The following ARID1B variants were observed in gnomAD, a reference collection of about 807,000 sequenced individuals.
ARID1B encodes the protein AT-rich interaction domain 1B.
Under a neutral mutation model 212.3 loss-of-function variants are expected in ARID1B, and 30 were observed. The observed-to-expected ratio is 0.14, with a 90% CI of 0.11 to 0.19. ARID1B has a LOEUF of 0.19. ARID1B is among the 10% of genes least tolerant of loss of function. The pLI is 1.00. For synonymous variants in ARID1B, 1,402 were observed against 1,301.7 expected (o/e 1.08, Z -1.66); for missense variants, 2,891 against 3,204.0 (o/e 0.90, Z 2.36).
At chr6:157,073,830 G>A (rs1784135766) in intron 4 of ARID1B, among the ~76,000 whole-genome samples, 1 of 152,192 alleles carries the variant, frequency 6.6e-6, no homozygotes, top group African/African-American at 2.4e-5. Context: ...CACAGATCTT[G>A]GTGCCAGACA....
chr6:156,803,791 T>C (rs1035447512), intron 1 of ARID1B, among the ~76,000 whole-genome samples: 3 of 152,150 alleles, frequency 2.0e-5, no homozygotes, highest in Non-Finnish European at 4.4e-5. Flanking sequence ...TACCTTTTTT[T>C]CCAATACATA....
intron 2 of ARID1B, among the ~76,000 whole-genome samples, chr6:156,836,182 A>G (rs1783498875): frequency 6.6e-6 from 1 of 152,156 alleles, no homozygotes; most frequent in South Asian, 2.1e-4. Context: ...GATAAATGGA[A>G]AGTTAAAGTG....
At chr6:156,950,056 G>A (rs1793460398) in intron 4 of ARID1B, among the ~76,000 whole-genome samples, 1 of 152,222 alleles carries the variant, frequency 6.6e-6, no homozygotes, top group Admixed American at 6.5e-5. Context: ...TGTGATGTTA[G>A]TGACTAGTGT....
At chr6:156,779,893 C>T (rs1477307701) in intron 1 of ARID1B, among the ~76,000 whole-genome samples, 1 of 152,300 alleles carries the variant, frequency 6.6e-6, no homozygotes, top group South Asian at 2.1e-4. Flanking sequence ...GTTCTGGGAG[C>T]GCCCACAATG....
intron 11 of ARID1B, among the ~76,000 whole-genome samples, chr6:157,179,339 GT>G (rs1289121890): frequency 6.6e-6 from 1 of 152,130 alleles, no homozygotes; most frequent in Non-Finnish European, 1.5e-5. Context: ...AGAGTCTTGT[GT>G]AAAGTGTGTT....
At chr6:156,872,841 T>C (rs1032393529) in intron 2 of ARID1B, among the ~76,000 whole-genome samples, 1 of 152,166 alleles carries the variant, frequency 6.6e-6, no homozygotes, top group African/African-American at 2.4e-5. Flanking sequence ...TTGGTCATCC[T>C]TCCACATAGG....
At chr6:156,812,985 T>TACATACGTATGTGTATACATATATATAC (rs1781679039) in intron 1 of ARID1B, among the ~76,000 whole-genome samples, 12 of 106,402 alleles carry the variant, frequency 1.1e-4, no homozygotes, top group East Asian at 6.8e-4. Flanking sequence ...TGTATGTATA[T>TACATACGTATGTGTATACATATATATAC]ACATACGTAT....
intron 7 of ARID1B, among the ~76,000 whole-genome samples, chr6:157,137,399 CTG>C (rs995294032): frequency 5.3e-5 from 8 of 152,110 alleles, no homozygotes; most frequent in African/African-American, 1.9e-4. Flanking sequence ...GGAAAGAGGA[CTG>C]TGGGGACTTG....
intron 4 of ARID1B, chr6:156,941,105 T>C (rs1325146434): frequency 6.6e-6 from 1 of 152,238 alleles, no homozygotes; most frequent in African/African-American, 2.4e-5. Flanking sequence ...CCCATATCTG[T>C]CATCAGGCTT....
chr6:156,938,141 C>T (rs929330011), intron 4 of ARID1B: 6 of 150,874 alleles, frequency 4.0e-5, no homozygotes, highest in Non-Finnish European at 5.9e-5. Flanking sequence ...TCCACGAGGG[C>T]TTTGCATGTG....
chr6:156,840,849 G>T (rs563638682), intron 2 of ARID1B, among the ~76,000 whole-genome samples: 1 of 152,286 alleles, frequency 6.6e-6, no homozygotes, highest in East Asian at 1.9e-4. Context: ...ATTGGAGATG[G>T]CTGCTACTCT....
At chr6:156,920,034 AG>A (rs747099375) in intron 3 of ARID1B, among the ~76,000 whole-genome samples, 17 of 152,356 alleles carry the variant, frequency 1.1e-4, no homozygotes, top group Non-Finnish European at 2.1e-4. Flanking sequence ...TTCACGCATG[AG>A]TGGACATTGC....
At chr6:157,085,773 C>T (rs1044544390) in intron 5 of ARID1B, among the ~76,000 whole-genome samples, 4 of 151,756 alleles carry the variant, frequency 2.6e-5, no homozygotes, top group Non-Finnish European at 5.9e-5. Flanking sequence ...AAAGAACATA[C>T]ATAGCACACT....
At chr6:156,948,920 T>C (rs912975523) in intron 4 of ARID1B, among the ~76,000 whole-genome samples, 1 of 152,246 alleles carries the variant, frequency 6.6e-6, no homozygotes, top group Non-Finnish European at 1.5e-5. Flanking sequence ...TCAGCACATA[T>C]AATTTCACAG....
At chr6:156,779,566 TCCCGCGGGG>T (rs1779048345) in intron 1 of ARID1B, 95 bp downstream of exon 1, 3 of 1,088,322 alleles carry the variant, frequency 2.8e-6, no homozygotes, top group African/African-American at 3.4e-5. Context: ...TTCCCCGTCT[TCCCGCGGGG>T]GCGGCGGGGG....
rs2114962140 is a variant in ARID1B, at chr6:156,778,100, G to T, written c.420G>T (p.Ser140=). The T allele has an allele frequency of 6.5e-7, 1 of 1,540,708 alleles. No individual in the cohort carries two copies. Residue 140 remains serine (S), a synonymous_variant, in exon 1 of 20, where the codon TCG becomes TCT. Transcript: ENST00000636930. Reference sequence around the variant, plus strand: ...CTTCCTCCTCGTCGGGCCCGGGCTCGGCCATGGAGACGGGGCTGCTCCCCA... The same window carrying T: ...CTTCCTCCTCGTCGGGCCCGGGCTCTGCCATGGAGACGGGGCTGCTCCCCA... ...ASSSSSSGPG[S]AMETGLLPNH...
chr6:157,080,304 C>A (rs1784561990), intron 4 of ARID1B, among the ~76,000 whole-genome samples: 2 of 152,134 alleles, frequency 1.3e-5, no homozygotes, highest in South Asian at 4.2e-4. Flanking sequence ...TGACTTATTC[C>A]CAGTTCTCTG....
chr6:157,133,136 G>A lies in ARID1B; in HGVS notation c.2690G>A (p.Gly897Glu). ...HPSPGGQMHA[G>E]ISSFQQSNSS... The stretch of plus-strand genomic sequence containing the variant: ...TCTCCTGGGGGCCAGATGCATGCTG[G>A]AATCAGTAGCTTTCAGCAGAGTAAC... Residue 897 changes from glycine (G) to glutamate (E), a missense_variant, in exon 7 of 20, where the codon GGA (glycine) becomes GAA (glutamate). Coordinates refer to ENST00000636930, the MANE Select transcript of ARID1B (RefSeq NM_001374828.1). The A allele has an allele frequency of 6.2e-7, 1 of 1,614,156 alleles. No individual in the cohort carries two copies. The highest frequency in any genetic ancestry group is 8.5e-7 in the Non-Finnish European group (1 of 1,180,028).
chr6:156,930,123 CTG>C (rs1791579695), intron 3 of ARID1B, among the ~76,000 whole-genome samples: 1 of 152,206 alleles, frequency 6.6e-6, no homozygotes, highest in East Asian at 1.9e-4. Flanking sequence ...CAGTTTGGAT[CTG>C]TGTCTCCACC....
Sources: gnomAD v4.1 joint callset for allele counts (sites outside exome capture counted in the v4.1 genomes callset) on GRCh38, gnomAD v4.1.1 for gene constraint, MANE v1.5 for transcripts, NCBI Gene and HGNC (gene_info 2026-07-23, HGNC 2026-07-21) for gene names.